CDK11B: variants seen among roughly 807,000 people sequenced by gnomAD.
The protein encoded by CDK11B is cyclin dependent kinase 11B.
CDK11B carries 37 observed loss-of-function variants against 84.0 expected under a neutral mutation model. The ratio of observed to expected loss-of-function variants is 0.44; its 90% CI spans 0.34 to 0.58. The LOEUF is 0.58. CDK11B is among the 20% of genes least tolerant of loss of function. The pLI is 0.02. For synonymous variants in CDK11B, 269 were observed against 309.8 expected, an observed-to-expected ratio of 0.87 and a Z score of 1.38; for missense variants, 427 against 834.0, an observed-to-expected ratio of 0.51 and a Z score of 6.01.
At chr1:1,650,557 G>T (rs1377972394) in intron 4 of CDK11B, among the ~76,000 whole-genome samples, 2 of 151,022 alleles carry the variant, frequency 1.3e-5, no homozygotes, top group Admixed American at 6.6e-5. Flanking sequence ...AGTAGAGACG[G>T]GGTTCCACCA....
chr1:1,656,224 C>T (rs779284248), intron 2 of CDK11B, among the ~76,000 whole-genome samples: 2 of 152,176 alleles, frequency 1.3e-5, no homozygotes, highest in Non-Finnish European at 2.9e-5. Flanking sequence ...TGGTGGCTCA[C>T]GCCTGTAATC....
intron 3 of CDK11B, among the ~76,000 whole-genome samples, chr1:1,653,829 C>CAA (rs1642342613): frequency 7.3e-6 from 1 of 136,326 alleles, no homozygotes; most frequent in African/African-American, 3.1e-5. Flanking sequence ...TAAAAATACA[C>CAA]ACACACACAC....
At chr1:1,656,345 G>C (rs1346839181) in intron 2 of CDK11B, among the ~76,000 whole-genome samples, 2 of 152,118 alleles carry the variant, frequency 1.3e-5, no homozygotes, top group African/African-American at 2.4e-5. Context: ...ATAAAAATTA[G>C]CCGAGCGTGC....
At chr1:1,641,458 G>A (rs1225454170) in intron 9 of CDK11B, among the ~76,000 whole-genome samples, 58 of 146,474 alleles carry the variant, frequency 4.0e-4, no homozygotes, top group Middle Eastern at 3.6e-3. Flanking sequence ...GCAGTGAGCC[G>A]AGATCATGCC....
chr1:1,637,268 A>T (rs548142123), intron 14 of CDK11B, 66 bp from the exon 15 acceptor site: 15 of 1,589,310 alleles, frequency 9.4e-6, no homozygotes, highest in Non-Finnish European at 1.3e-5. Flanking sequence ...AGGGTGGCCC[A>T]CTCGCCTCGG....
chr1:1,652,687 T>C, intron 3 of CDK11B, 121 bp from the exon 4 acceptor site: 6 of 708,254 alleles, frequency 8.5e-6, no homozygotes, highest in Middle Eastern at 2.7e-4. Flanking sequence ...AGCTGAAACA[T>C]CATTTAAAAA....
chr1:1,647,798 C>G (rs540595159), intron 5 of CDK11B, among the ~76,000 whole-genome samples: 15 of 152,350 alleles, frequency 9.8e-5, no homozygotes, highest in Non-Finnish European at 1.8e-4. Flanking sequence ...CCTCCCTCCA[C>G]TGAGGATGCT....
At chr1:1,644,153 A>G (rs1324104453) in intron 6 of CDK11B, among the ~76,000 whole-genome samples, 1 of 152,122 alleles carries the variant, frequency 6.6e-6, no homozygotes, top group African/African-American at 2.4e-5. Context: ...CTCATCAGAA[A>G]CTTTGGAGGC....
rs1189696759 is a variant in CDK11B, at chr1:1,640,188, G to A, written c.1251+89C>T. 23 of 1,470,438 alleles carry A rather than the reference G, an allele frequency of 1.6e-5. No individual in the cohort carries two copies. In the East Asian group the frequency reaches 2.1e-4, roughly 14 times the overall value. 91.1% of individuals were successfully genotyped at this position (1,470,438 alleles called of 1,614,324 possible). ...CCAGCAGCCCTGTGAGGCGACAGAC[G>A]CCAACACGGGGGCCAGGCTTCGCTC... On this transcript the variant is annotated intron_variant, in intron 11 of 19. Coordinates refer to ENST00000341832, the MANE Select transcript of CDK11B (RefSeq NM_033486.3).
intron 2 of CDK11B, among the ~76,000 whole-genome samples, chr1:1,657,039 A>G (rs562704999): frequency 6.6e-6 from 1 of 152,172 alleles, no homozygotes; most frequent in African/African-American, 2.4e-5. Flanking sequence ...TTTCAAGGCA[A>G]GTTCCCACTA....
intron 9 of CDK11B, among the ~76,000 whole-genome samples, chr1:1,641,360 T>C (rs1437023369): frequency 6.8e-6 from 1 of 147,808 alleles, no homozygotes; most frequent in Non-Finnish European, 1.5e-5. Context: ...AATAAAAAAA[T>C]TATCCGGGCG....
At chr1:1,653,861 C>CA (rs1642365562) in intron 3 of CDK11B, among the ~76,000 whole-genome samples, 1 of 128,854 alleles carries the variant, frequency 7.8e-6, no homozygotes, top group African/African-American at 4.5e-5. Context: ...CACACACACA[C>CA]ACCCGAGCGT....
chr1:1,657,596 C>T, intron 1 of CDK11B, 98 bp from the exon 2 acceptor site: 2 of 928,912 alleles, frequency 2.2e-6, no homozygotes, highest in Non-Finnish European at 3.1e-6. Flanking sequence ...AGAATAAATC[C>T]TCATTAAGAA....
chr1:1,642,099 TTTGC>T (rs1640406899), intron 7 of CDK11B, 98 bp from the exon 8 acceptor site: 1 of 988,984 alleles, frequency 1.0e-6, no homozygotes, highest in Non-Finnish European at 1.5e-6. Context: ...AACGATTAAC[TTTGC>T]TTGGTCGGAA....
intron 4 of CDK11B, 36 bp from the exon 5 acceptor site, chr1:1,649,673 A>C: frequency 1.2e-6 from 2 of 1,604,868 alleles, no homozygotes; most frequent in Middle Eastern, 3.3e-4. Flanking sequence ...AAGAAACCTC[A>C]CTTCAAAAAT....
At chr1:1,654,662 CTTT>C (rs35072492) in intron 3 of CDK11B, among the ~76,000 whole-genome samples, 7 of 143,780 alleles carry the variant, frequency 4.9e-5, no homozygotes, top group Non-Finnish European at 4.5e-5. Context: ...CTTTTTTTTC[CTTT>C]TTTTTTTTTT....
intron 3 of CDK11B, among the ~76,000 whole-genome samples, chr1:1,655,165 G>A (rs1413913341): frequency 2.0e-5 from 3 of 151,876 alleles, no homozygotes; most frequent in African/African-American, 7.3e-5. Flanking sequence ...AGGGGCAAGG[G>A]TCTGGAGGGC....
rs532220148 is a variant in CDK11B at position 1,658,931 on chromosome 1, TGCCGCC to T, written c.-37_-32del. On this transcript the variant is annotated 5_prime_UTR_variant, in exon 1 of 20. Transcript: ENST00000341832. ...GAACTCACCCCTACGCCGCCGCCGC[TGCCGCC>T]GCCGCCGCCGCCGGTCCCGGAGCCA... The T allele has an allele frequency of 4.6e-5, 9 of 195,548 alleles. No individual in the cohort carries two copies. Among genetic ancestry groups the T allele is most frequent in the African/African-American group, 9.6e-5 (4 of 41,672 alleles). 12.1% of individuals were successfully genotyped at this position (195,548 alleles called of 1,614,324 possible).
At position 1,636,432 on chromosome 1, in the gene CDK11B, G is replaced by A. The variant is rs781390964; in HGVS notation, c.1967C>T (p.Pro656Leu). Residue 656 changes from proline (P) to leucine (L), a missense_variant, in exon 18 of 20, where the codon CCA (proline) becomes CTA (leucine). Physicochemically the swap from Pro to Leu is moderately conservative, Grantham distance 98. Transcript: ENST00000341832. ...EKIWPGYSEL[P>L]AVKKMTFSEH... ...GCTGAAGGTCATCTTCTTGACTGCTGGGAGCTCGCTGTAGCCGGGCCAGAT... is the reference window on the plus strand; with the variant it reads ...GCTGAAGGTCATCTTCTTGACTGCTAGGAGCTCGCTGTAGCCGGGCCAGAT... 10 of 1,613,020 alleles carry A rather than the reference G, an allele frequency of 6.2e-6. No homozygotes were observed. The Admixed American group carries it at 8.4e-5, about 13-fold the overall frequency.
Sources: allele counts gnomAD v4.1 joint callset (sites outside exome capture counted in the v4.1 genomes callset), GRCh38; gene constraint gnomAD v4.1.1; transcripts MANE v1.5; gene names NCBI Gene and HGNC (gene_info 2026-07-23, HGNC 2026-07-21).